Variants in RYR3 observed in about 807,000 individuals in gnomAD.
RYR3 encodes the protein ryanodine receptor 3, also known as brain ryanodine receptor-calcium release channel.
Under a neutral mutation model 584.3 loss-of-function variants are expected in RYR3, and 207 were observed. The ratio of observed to expected loss-of-function variants is 0.35; its 90% CI spans 0.32 to 0.40. The LOEUF is 0.40. Among genes scored for constraint, RYR3 ranks in the 10% least tolerant of loss-of-function variants. The pLI is 1.00. For synonymous variants in RYR3, 2,416 were observed against 2,248.5 expected, an observed-to-expected ratio of 1.07 and a Z score of -2.11; for missense variants, 5,616 against 6,089.2, an observed-to-expected ratio of 0.92 and a Z score of 2.59.
rs537264158 is a variant in RYR3 at position 33,609,920 on chromosome 15, C to A, written c.2165-3263C>A. 2.6e-5 allele frequency among the ~76,000 whole-genome samples: 4 copies of A among 152,212 alleles called. No individual in the cohort carries two copies. The South Asian group carries it at 8.3e-4, about 32-fold the overall frequency. ...GTGAAAGATGTCAAACCTACACACT[C>A]TTCAACTTTGGTTCAGTTTTGTTTT... On this transcript the variant is annotated intron_variant, in intron 18 of 103. Coordinates refer to ENST00000634891, the MANE Select transcript of RYR3 (RefSeq NM_001036.6).
chr15:33,836,848 G>A, intron 87 of RYR3, 58 bp from the exon 88 acceptor site: 2 of 1,406,658 alleles, frequency 1.4e-6, no homozygotes, highest in Non-Finnish European at 2.0e-6. Flanking sequence ...CTCGCTCACT[G>A]CCCTGTACTT....
chr15:33,803,228 C>T (rs910396792), intron 69 of RYR3, among the ~76,000 whole-genome samples: 4 of 152,278 alleles, frequency 2.6e-5, no homozygotes, highest in Non-Finnish European at 4.4e-5. Flanking sequence ...AACAAAATTA[C>T]GTACATACAA....
At chr15:33,547,917 G>A (rs1187508909) in intron 8 of RYR3, among the ~76,000 whole-genome samples, 2 of 152,164 alleles carry the variant, frequency 1.3e-5, no homozygotes, top group African/African-American at 4.8e-5. Context: ...TATGGATATG[G>A]TGAGCAGTTC....
rs2063083034 is a variant in RYR3 at position 33,660,317 on chromosome 15, A to G, written c.4516A>G (p.Ser1506Gly). ...CGTGCTCTGGAGCCGCATGCCCAAC[A>G]GCTTCCTGAAGGTGGAGACCGAGCG... ...QPVLWSRMPN[S>G]FLKVETERVS... Residue 1506 changes from serine to glycine, a missense_variant, in exon 34 of 104, where the codon AGC becomes GGC. By Grantham distance (56) the Ser-to-Gly change is moderately conservative (BLOSUM62 0). Coordinates refer to ENST00000634891, the MANE Select transcript of RYR3 (RefSeq NM_001036.6). 2 of 1,586,706 alleles carry G rather than the reference A, an allele frequency of 1.3e-6. No individual in the cohort carries two copies. The highest frequency in any genetic ancestry group is 1.3e-5 in the African/African-American group (1 of 74,520).
At chr15:33,334,302 C>T (rs186026312) in intron 1 of RYR3, among the ~76,000 whole-genome samples, 36 of 152,216 alleles carry the variant, frequency 2.4e-4, no homozygotes, top group Middle Eastern at 6.8e-3. Flanking sequence ...CTACAGTAAC[C>T]GAAACAACAT....
chr15:33,498,617 T>G (rs1340232634), intron 2 of RYR3, among the ~76,000 whole-genome samples: 1 of 152,178 alleles, frequency 6.6e-6, no homozygotes, highest in Non-Finnish European at 1.5e-5. Flanking sequence ...TTGCAAATAT[T>G]TTCTCCCATC....
intron 43 of RYR3, among the ~76,000 whole-genome samples, chr15:33,710,860 G>A (rs2067059260): frequency 6.6e-6 from 1 of 152,210 alleles, no homozygotes; most frequent in Non-Finnish European, 1.5e-5. Flanking sequence ...AGGATATATG[G>A]GGAGCAATAT....
intron 3 of RYR3, among the ~76,000 whole-genome samples, chr15:33,520,157 TTG>T (rs1241925731): frequency 6.6e-6 from 1 of 152,210 alleles, no homozygotes; most frequent in Non-Finnish European, 1.5e-5. Flanking sequence ...GCTTTATAGC[TTG>T]TGTGGGTAAA....
At chr15:33,617,763 C>T (rs1477125892) in intron 19 of RYR3, among the ~76,000 whole-genome samples, 5 of 151,806 alleles carry the variant, frequency 3.3e-5, no homozygotes, top group African/African-American at 7.3e-5. Context: ...CAGCCGTCAT[C>T]GAAGAGCAAA....
At chr15:33,457,926 G>C (rs1006858701) in intron 1 of RYR3, among the ~76,000 whole-genome samples, 2 of 152,164 alleles carry the variant, frequency 1.3e-5, no homozygotes, top group African/African-American at 4.8e-5. Context: ...TTGTCATGGA[G>C]CGGTTTGGGA....
At chr15:33,462,425 A>G (rs1336439057) in intron 1 of RYR3, among the ~76,000 whole-genome samples, 1 of 152,232 alleles carries the variant, frequency 6.6e-6, no homozygotes, top group Non-Finnish European at 1.5e-5. Context: ...ACAAGTAGAA[A>G]GAATCTCAAT....
intron 1 of RYR3, among the ~76,000 whole-genome samples, chr15:33,462,306 C>T (rs552863751): frequency 7.5e-4 from 114 of 152,246 alleles, no homozygotes; most frequent in Non-Finnish European, 1.0e-3. Flanking sequence ...TGAGTGTGCA[C>T]ATAAAGGATA....
At chr15:33,588,596 T>A (rs2058972673) in intron 16 of RYR3, among the ~76,000 whole-genome samples, 1 of 152,166 alleles carries the variant, frequency 6.6e-6, no homozygotes, top group African/African-American at 2.4e-5. Flanking sequence ...CAATTTCTCA[T>A]CATTTACCCC....
At chr15:33,802,294 A>G (rs543857446) in intron 69 of RYR3, among the ~76,000 whole-genome samples, 3 of 152,374 alleles carry the variant, frequency 2.0e-5, no homozygotes, top group Non-Finnish European at 4.4e-5. Flanking sequence ...ATACAGCAAT[A>G]CACATGCCTA....
intron 38 of RYR3, among the ~76,000 whole-genome samples, chr15:33,678,248 T>G (rs1214858519): frequency 6.6e-6 from 1 of 152,204 alleles, no homozygotes. Flanking sequence ...TCCCCACGTG[T>G]TGAAGCAGGG....
At chr15:33,598,282 AAAAC>A (rs1244362973) in intron 16 of RYR3, among the ~76,000 whole-genome samples, 4 of 150,748 alleles carry the variant, frequency 2.7e-5, no homozygotes, top group Non-Finnish European at 5.9e-5. Context: ...TTAGGAGAGA[AAAAC>A]AAACAAAAAA....
chr15:33,356,461 G>T (rs1014593870), intron 1 of RYR3, among the ~76,000 whole-genome samples: 6 of 152,130 alleles, frequency 3.9e-5, no homozygotes, highest in African/African-American at 1.4e-4. Context: ...CACTTTGCAG[G>T]TAGGCTTAGA....
At chr15:33,330,400 A>AT (rs1970241922) in intron 1 of RYR3, among the ~76,000 whole-genome samples, 2 of 151,980 alleles carry the variant, frequency 1.3e-5, no homozygotes, top group South Asian at 4.2e-4. Context: ...CCATCATGCC[A>AT]TTTTTTGCCT....
chr15:33,372,344 G>C (rs1269166406), intron 1 of RYR3, among the ~76,000 whole-genome samples: 1 of 148,318 alleles, frequency 6.7e-6, no homozygotes, highest in African/African-American at 2.5e-5. Context: ...GATGCACTCT[G>C]CCATGCCCGG....
Sources: gnomAD v4.1 joint callset for allele counts (sites outside exome capture counted in the v4.1 genomes callset) on GRCh38, gnomAD v4.1.1 for gene constraint, MANE v1.5 for transcripts, NCBI Gene and HGNC (gene_info 2026-07-23, HGNC 2026-07-21) for gene names.